The following RASGRF2 variants were observed in gnomAD, a reference collection of about 807,000 sequenced individuals.
RASGRF2 encodes Ras protein specific guanine nucleotide releasing factor 2.
Under a neutral mutation model 151.0 loss-of-function variants are expected in RASGRF2, and 76 were observed. That is an observed-to-expected ratio of 0.50 (90% CI 0.42 to 0.61). The LOEUF is 0.61. Among genes scored for constraint, RASGRF2 ranks in the 20% least tolerant of loss-of-function variants. The probability of loss-of-function intolerance (pLI) is 0.00; values close to 1 mark genes in which losing one functional copy is unlikely to be tolerated. For synonymous variants in RASGRF2, 504 were observed against 566.5 expected (o/e 0.89, Z 1.57); for missense variants, 1,148 against 1,564.6 (o/e 0.73, Z 4.49).
rs187000316 is a variant in RASGRF2, at chr5:80,985,328, A to G, written c.288+24302A>G. On this transcript the variant is annotated intron_variant, in intron 1 of 26. Transcript: ENST00000265080. The stretch of plus-strand genomic sequence containing the variant: ...ATTGGGGTTAATTTTCTTCATGCTT[A>G]TTTATATGGTCTATTTTTCTGTAGT... Among the ~76,000 whole-genome samples the G allele has an allele frequency of 5.6e-4, 85 of 152,302 alleles. 1 individual carries two copies. Among genetic ancestry groups the G allele is most frequent in the African/African-American group, 2.0e-3 (84 of 41,564 alleles).
chr5:80,977,081 C>A (rs939279300), intron 1 of RASGRF2, among the ~76,000 whole-genome samples: 1 of 152,190 alleles, frequency 6.6e-6, no homozygotes, highest in Non-Finnish European at 1.5e-5. Flanking sequence ...TAGTAGCATC[C>A]TGTGATTGTA....
chr5:81,135,049 C>T (rs1341797945), intron 17 of RASGRF2, among the ~76,000 whole-genome samples: 1 of 151,906 alleles, frequency 6.6e-6, no homozygotes, highest in African/African-American at 2.4e-5. Flanking sequence ...GCTTATCCCT[C>T]TAATCCCAAC....
At chr5:81,129,414 A>G (rs1263694941) in intron 17 of RASGRF2, among the ~76,000 whole-genome samples, 1 of 152,100 alleles carries the variant, frequency 6.6e-6, no homozygotes, top group Non-Finnish European at 1.5e-5. Flanking sequence ...AATGGACATT[A>G]ACTACCATAG....
At chr5:81,033,862 A>G (rs1015015539) in intron 1 of RASGRF2, among the ~76,000 whole-genome samples, 1 of 152,238 alleles carries the variant, frequency 6.6e-6, no homozygotes, top group Non-Finnish European at 1.5e-5. Flanking sequence ...CGAACAGGCA[A>G]CCTACAGAAT....
In RASGRF2 at chr5:81,094,294, A is replaced by G; in HGVS notation, c.1552-2A>G. 1 of 1,613,146 alleles carries G rather than the reference A, an allele frequency of 6.2e-7. No individual in the cohort carries two copies. The highest frequency in any genetic ancestry group is 8.5e-7 in the Non-Finnish European group (1 of 1,179,692). The stretch of plus-strand genomic sequence containing the variant: ...CTTAGTGAAAAATTGGTTTGTTTCC[A>G]GACAGGTGGGGTTCTGTCTCTAATA... On this transcript the variant is annotated splice_acceptor_variant, in intron 10 of 26. Coordinates refer to ENST00000265080, the MANE Select transcript of RASGRF2 (RefSeq NM_006909.3). LOFTEE classifies it high-confidence loss of function.
chr5:80,993,165 C>A (rs933843203), intron 1 of RASGRF2, among the ~76,000 whole-genome samples: 2 of 152,068 alleles, frequency 1.3e-5, no homozygotes, highest in Non-Finnish European at 2.9e-5. Context: ...TATAGGGGCC[C>A]AAATGACAGA....
At chr5:81,161,551 C>T (rs984704661) in intron 17 of RASGRF2, among the ~76,000 whole-genome samples, 1 of 152,316 alleles carries the variant, frequency 6.6e-6, no homozygotes, top group South Asian at 2.1e-4. Flanking sequence ...TCCTTGCTCT[C>T]CAGTTCTTAG....
intron 18 of RASGRF2, among the ~76,000 whole-genome samples, chr5:81,187,900 G>A (rs1223644111): frequency 2.0e-5 from 3 of 152,236 alleles, no homozygotes; most frequent in African/African-American, 7.2e-5. Context: ...AAAATTCAGT[G>A]TTGAATTAGA....
chr5:81,096,991 T>C (rs1752567953), intron 12 of RASGRF2, among the ~76,000 whole-genome samples: 1 of 151,850 alleles, frequency 6.6e-6, no homozygotes, highest in Non-Finnish European at 1.5e-5. Flanking sequence ...AGATGGAGTC[T>C]CGCTCTGTCG....
rs1440058215 is a variant in RASGRF2 at position 81,094,368 on chromosome 5, T to C, written c.1618+6T>C. 8.1e-6 allele frequency: 13 copies of C among 1,607,842 alleles called. No individual in the cohort carries two copies. Among genetic ancestry groups the C allele is most frequent in the Non-Finnish European group, 1.1e-5 (13 of 1,176,208 alleles). ...AGATGCAAGCGATGATGACTGTAAG[T>C]CACCTTCGATCACTTAGGATTCTAT... On this transcript the variant is annotated splice_donor_region_variant and intron_variant, in intron 11 of 26. Coordinates refer to ENST00000265080, the MANE Select transcript of RASGRF2 (RefSeq NM_006909.3).
intron 15 of RASGRF2, among the ~76,000 whole-genome samples, chr5:81,114,632 C>A (rs919578665): frequency 6.6e-6 from 1 of 152,224 alleles, no homozygotes; most frequent in Non-Finnish European, 1.5e-5. Context: ...TCCTGTCCCC[C>A]TCTCCAGCCC....
intron 1 of RASGRF2, among the ~76,000 whole-genome samples, chr5:80,994,298 C>T (rs6871395): frequency 3.0e-3 from 445 of 146,856 alleles, no homozygotes; most frequent in African/African-American, 0.011. Flanking sequence ...CCTGGGGGGC[C>T]GAGCTTGCAG....
intron 2 of RASGRF2, among the ~76,000 whole-genome samples, chr5:81,058,897 A>G (rs1227233487): frequency 1.3e-5 from 2 of 152,068 alleles, no homozygotes; most frequent in Non-Finnish European, 1.5e-5. Context: ...TTTGAATAAT[A>G]TGATTTATTT....
chr5:81,106,371 T>C (rs1752846664), intron 12 of RASGRF2, among the ~76,000 whole-genome samples: 1 of 152,200 alleles, frequency 6.6e-6, no homozygotes, highest in African/African-American at 2.4e-5. Context: ...GATCATCCCT[T>C]GGGTCTCCAT....
chr5:81,215,396 G>A (rs1233114087), intron 23 of RASGRF2, among the ~76,000 whole-genome samples: 2 of 148,858 alleles, frequency 1.3e-5, no homozygotes, highest in Admixed American at 6.8e-5. Context: ...TCAGCCTCCC[G>A]AGTAGCTGGG....
At chr5:81,011,707 C>T (rs1349571796) in intron 1 of RASGRF2, among the ~76,000 whole-genome samples, 1 of 151,444 alleles carries the variant, frequency 6.6e-6, no homozygotes, top group Admixed American at 6.6e-5. Context: ...AGCCATTGCA[C>T]TCCAGCCTGG....
At chr5:81,021,796 G>C (rs555254803) in intron 1 of RASGRF2, among the ~76,000 whole-genome samples, 1 of 152,200 alleles carries the variant, frequency 6.6e-6, no homozygotes, top group South Asian at 2.1e-4. Flanking sequence ...TAATCATAGG[G>C]TGGCCAATGA....
chr5:81,093,002 C>A, intron 10 of RASGRF2, 41 bp downstream of exon 10: 1 of 1,525,120 alleles, frequency 6.6e-7, no homozygotes, highest in Non-Finnish European at 8.9e-7. Context: ...CTTCCAAGCA[C>A]TTACAAGTTA....
At chr5:81,082,069 T>C (rs540686476) in intron 7 of RASGRF2, among the ~76,000 whole-genome samples, 1 of 152,330 alleles carries the variant, frequency 6.6e-6, no homozygotes, top group South Asian at 2.1e-4. Context: ...TATGATTCAG[T>C]ACCCCAAGTT....
Sources: allele counts gnomAD v4.1 joint callset (sites outside exome capture counted in the v4.1 genomes callset), GRCh38; gene constraint gnomAD v4.1.1; transcripts MANE v1.5; gene names NCBI Gene and HGNC (gene_info 2026-07-23, HGNC 2026-07-21).